Variants in PCDHA1 observed in about 807,000 individuals in gnomAD.
The protein encoded by PCDHA1 is protocadherin alpha 1.
A neutral mutation model predicts 61.3 loss-of-function variants in PCDHA1; 42 were observed. The observed-to-expected ratio is 0.69, with a 90% CI of 0.54 to 0.89. PCDHA1 has a LOEUF of 0.89. Ranked by LOEUF, PCDHA1 falls within the 40% of genes least tolerant of loss-of-function variation. PCDHA1 has a pLI of 0.00. For missense variants in PCDHA1, 1,256 were observed against 1,235.3 expected (o/e 1.02, Z -0.25); for synonymous variants, 610 against 553.8 (o/e 1.10, Z -1.43).
chr5:140,968,739 T>C, intron 1 of PCDHA1: 1 of 1,614,192 alleles, frequency 6.2e-7, no homozygotes, highest in South Asian at 1.1e-5. Context: ...ACTTTCAACC[T>C]GACCGTGGTG....
At chr5:140,833,888 A>G (rs1308828787) in intron 1 of PCDHA1, among the ~76,000 whole-genome samples, 1 of 152,208 alleles carries the variant, frequency 6.6e-6, no homozygotes, top group Non-Finnish European at 1.5e-5. Context: ...CCTGGGATCT[A>G]GATCAAAGGA....
chr5:140,830,801 T>G (rs2150103350), intron 1 of PCDHA1: 1 of 158,724 alleles, frequency 6.3e-6, no homozygotes, highest in African/African-American at 2.4e-5. Flanking sequence ...TTATATGGGA[T>G]TTTCATTTGT....
chr5:140,844,241 C>T (rs1267423212), intron 1 of PCDHA1, among the ~76,000 whole-genome samples: 3 of 149,082 alleles, frequency 2.0e-5, no homozygotes, highest in African/African-American at 7.4e-5. Flanking sequence ...TCACTATTGC[C>T]GTTTTAAGCA....
chr5:140,795,146 C>T (rs1050159776), intron 1 of PCDHA1: 1 of 1,613,896 alleles, frequency 6.2e-7, no homozygotes, highest in Non-Finnish European at 8.5e-7. Context: ...GAGCTGGTGC[C>T]GCGCCTGTTC....
intron 3 of PCDHA1, among the ~76,000 whole-genome samples, chr5:140,997,836 A>G (rs1335199291): frequency 3.3e-5 from 5 of 152,222 alleles, no homozygotes; most frequent in South Asian, 4.1e-4. Flanking sequence ...AAACAATACA[A>G]TATACATTCT....
At position 140,788,452 on chromosome 5, in the gene PCDHA1, T is replaced by C. The variant is rs782100995; in HGVS notation, c.2162T>C (p.Leu721Pro). The change falls in exon 1 of 4, where the codon CTG becomes CCG. Residue 721 changes from leucine to proline, a missense_variant. Physicochemically the swap from Leu to Pro is moderately conservative, Grantham distance 98 (BLOSUM62 -3). Coordinates refer to ENST00000504120, the MANE Select transcript of PCDHA1 (RefSeq NM_018900.4). ...LVLTLLLYTA[L>P]RCSVPPTEGA... ...CTCACACTGCTGCTGTACACGGCGC[T>C]GCGGTGCTCAGTGCCGCCCACTGAG... 4 of 1,614,108 alleles carry C rather than the reference T, an allele frequency of 2.5e-6. No homozygotes were observed. Among genetic ancestry groups the C allele is most frequent in the Admixed American group, 3.3e-5 (2 of 60,026 alleles).
chr5:140,797,202 G>A (rs1554120338), intron 1 of PCDHA1: 2 of 1,614,190 alleles, frequency 1.2e-6, no homozygotes, highest in South Asian at 2.2e-5. Context: ...GCGCCGTGGG[G>A]AGCTGGTCTT....
intron 1 of PCDHA1, chr5:140,929,227 G>T (rs141300036): frequency 1.2e-6 from 2 of 1,613,774 alleles, no homozygotes; most frequent in Non-Finnish European, 1.7e-6. Context: ...CAATGCTGCC[G>T]ACCTGCGAAA....
At chr5:141,006,612 AAGG>A (rs2098279964) in intron 3 of PCDHA1, among the ~76,000 whole-genome samples, 1 of 152,204 alleles carries the variant, frequency 6.6e-6, no homozygotes, top group African/African-American at 2.4e-5. Flanking sequence ...CAGACTGAAT[AAGG>A]AGACTATTGC....
At chr5:140,953,035 C>A (rs2094836412) in intron 1 of PCDHA1, among the ~76,000 whole-genome samples, 1 of 152,116 alleles carries the variant, frequency 6.6e-6, no homozygotes, top group Admixed American at 6.5e-5. Flanking sequence ...GGAAATCCAC[C>A]CCCATGATCC....
intron 1 of PCDHA1, chr5:140,856,811 G>A: frequency 3.8e-6 from 6 of 1,594,886 alleles, no homozygotes; most frequent in Non-Finnish European, 5.2e-6. Flanking sequence ...TGAAAATCAA[G>A]TGAACCAAAC....
Position 140,839,190 on chromosome 5 carries a change from A to G in PCDHA1, c.2394+50506A>G, listed in dbSNP as rs185787528. Among the ~76,000 whole-genome samples, 211 of 138,022 alleles carry G rather than the reference A, an allele frequency of 1.5e-3. 1 individual carries two copies. The highest frequency in any genetic ancestry group is 4.2e-3 in the Admixed American group (57 of 13,704). The allele number at this position is 138,022 out of a possible 152,430, so 90.5% of individuals were successfully genotyped here. A position where few individuals can be genotyped will look rare whatever the true frequency, so the allele number is the denominator to read the frequency against. ...GATATTCAGTTTTGTGGAAAAATCTATAAATATCTTTGACCTTCAAAGATG... is the reference window on the plus strand; with the variant it reads ...GATATTCAGTTTTGTGGAAAAATCTGTAAATATCTTTGACCTTCAAAGATG... On this transcript the variant is annotated intron_variant, in intron 1 of 3. Transcript: ENST00000504120.
intron 1 of PCDHA1, chr5:140,851,022 TA>T: frequency 7.0e-7 from 1 of 1,428,364 alleles, no homozygotes; most frequent in Non-Finnish European, 9.2e-7. Flanking sequence ...TCTGATAAAG[TA>T]AACCCCTTAA....
At chr5:141,008,014 CT>C (rs1268690822) in intron 3 of PCDHA1, among the ~76,000 whole-genome samples, 12 of 152,070 alleles carry the variant, frequency 7.9e-5, no homozygotes, top group African/African-American at 1.7e-4. Flanking sequence ...CTTCTGTTTC[CT>C]TTTTTTTCTT....
At chr5:140,967,056 G>C in intron 1 of PCDHA1, 1 of 1,612,712 alleles carries the variant, frequency 6.2e-7, no homozygotes, top group Non-Finnish European at 8.5e-7. Flanking sequence ...CTGACGAGTG[G>C]AGCGCTCTTC....
At chr5:140,856,621 A>T in intron 1 of PCDHA1, 1 of 1,597,974 alleles carries the variant, frequency 6.3e-7, no homozygotes, top group Non-Finnish European at 8.6e-7. Context: ...ACAAATTCCC[A>T]GTGCTTGTTC....
Position 140,788,191 on chromosome 5 carries a change from C to T in PCDHA1, c.1901C>T (p.Thr634Ile). ...VGLYTGEIST[T>I]RVLDEADLSR... ...CTGTACACGGGCGAGATCAGCACGA[C>T]TCGTGTCCTGGACGAGGCTGACTTG... Residue 634 changes from threonine (T) to isoleucine (I), a missense_variant, in exon 1 of 4, where the codon ACT becomes ATT. Coordinates refer to ENST00000504120, the MANE Select transcript of PCDHA1 (RefSeq NM_018900.4). 1 of 1,614,066 alleles carries T rather than the reference C, an allele frequency of 6.2e-7. No individual in the cohort carries two copies. The highest frequency in any genetic ancestry group is 8.5e-7 in the Non-Finnish European group (1 of 1,179,932).
rs2150254480 is a variant in PCDHA1 at position 140,836,166 on chromosome 5, C to G, written c.2394+47482C>G. 9 of 1,613,708 alleles carry G rather than the reference C, an allele frequency of 5.6e-6. No homozygotes were observed. The African/African-American group carries it at 1.1e-4, about 19-fold the overall frequency. ...CGCGGGCCATGTGGTGGCGAAGGTA[C>G]GTGCAGTTGACGCTGACTCAGGCTA... On this transcript the variant is annotated intron_variant, in intron 1 of 3. Transcript: ENST00000504120.
chr5:140,933,276 G>T (rs1392004837), intron 1 of PCDHA1, among the ~76,000 whole-genome samples: 2 of 151,892 alleles, frequency 1.3e-5, no homozygotes, highest in Non-Finnish European at 2.9e-5. Context: ...TATTCATTTG[G>T]AACTTGTTTT....
Sources: gnomAD v4.1 joint callset for allele counts (sites outside exome capture counted in the v4.1 genomes callset) on GRCh38, gnomAD v4.1.1 for gene constraint, MANE v1.5 for transcripts, NCBI Gene and HGNC (gene_info 2026-07-23, HGNC 2026-07-21) for gene names.